Variants in RAB19 observed in about 807,000 individuals in gnomAD.
The protein encoded by RAB19 is RAB19, member RAS oncogene family.
In RAB19, 21 loss-of-function variants were observed where a neutral mutation model predicts 17.3. That is an observed-to-expected ratio of 1.21 (90% CI 0.86 to 1.74). RAB19 has a LOEUF of 1.74. Among genes scored for constraint, RAB19 ranks in the 40% most tolerant of loss-of-function variants. RAB19 has a pLI of 0.00. For missense variants in RAB19, 277 were observed against 286.8 expected, an observed-to-expected ratio of 0.97 and a Z score of 0.25; for synonymous variants, 126 against 110.4, an observed-to-expected ratio of 1.14 and a Z score of -0.88.
chr7:140,410,321 T>TTC (rs1554441262), intron 2 of RAB19, among the ~76,000 whole-genome samples: 1 of 122,118 alleles, frequency 8.2e-6, no homozygotes. Context: ...TTCTTTTTTT[T>TTC]TTTTTTTTTT....
At chr7:140,418,657 C>G (rs979876950) in intron 3 of RAB19, among the ~76,000 whole-genome samples, 1 of 151,212 alleles carries the variant, frequency 6.6e-6, no homozygotes, top group Non-Finnish European at 1.5e-5. Flanking sequence ...AGGCAGAGGT[C>G]GGACCAGCCT....
At chr7:140,409,848 C>A (rs1347482675) in intron 2 of RAB19, among the ~76,000 whole-genome samples, 6 of 151,558 alleles carry the variant, frequency 4.0e-5, no homozygotes, top group African/African-American at 1.5e-4. Flanking sequence ...AAAAAATCAG[C>A]CGGGCCTGGT....
At position 140,426,835 on chromosome 7, in the gene RAB19, CTTTCTTTTTT is replaced by C; in HGVS notation, c.*689_*698del. 7.5e-6 allele frequency among the ~76,000 whole-genome samples: 1 copy of C among 132,710 alleles called. No individual in the cohort carries two copies. Among genetic ancestry groups the C allele is most frequent in the African/African-American group, 3.1e-5 (1 of 32,224 alleles). 87.1% of individuals were successfully genotyped at this position (132,710 alleles called of 152,430 possible). A position where few individuals can be genotyped will look rare whatever the true frequency, so the allele number is the denominator to read the frequency against. The stretch of plus-strand genomic sequence containing the variant: ...GGGGAAGACACCTGCAATTTTTTTT[CTTTCTTTTTT>C]TTTTTTTTTTTTTTGAGACAGGGTC... On this transcript the variant is annotated 3_prime_UTR_variant, in exon 4 of 4. Transcript: ENST00000537763.
Position 140,427,782 on chromosome 7 carries a change from G to T in RAB19, c.*1632G>T, listed in dbSNP as rs892542820. Among the ~76,000 whole-genome samples the T allele has an allele frequency of 6.6e-6, 1 of 150,712 alleles. No individual in the cohort carries two copies. On this transcript the variant is annotated 3_prime_UTR_variant, in exon 4 of 4. Transcript: ENST00000537763. ...TTATTATTATTATTGTAGAAATGAA[G>T]TCTTGCTACGTTGCCCAGGCTGGTC... is the stretch of plus-strand genomic sequence containing the variant.
intron 2 of RAB19, among the ~76,000 whole-genome samples, chr7:140,409,567 C>T (rs1440012330): frequency 6.6e-6 from 1 of 151,914 alleles, no homozygotes; most frequent in Admixed American, 6.6e-5. Context: ...CGTGGTGGCA[C>T]ATGCCTGTAA....
chr7:140,410,135 T>A (rs1400554006), intron 2 of RAB19, among the ~76,000 whole-genome samples: 1 of 151,550 alleles, frequency 6.6e-6, no homozygotes, highest in Non-Finnish European at 1.5e-5. Flanking sequence ...TATGAGGTTC[T>A]TTTTTTATGT....
intron 3 of RAB19, among the ~76,000 whole-genome samples, chr7:140,412,769 A>G (rs139584723): frequency 5.3e-5 from 8 of 151,440 alleles, no homozygotes; most frequent in Non-Finnish European, 8.8e-5. Context: ...TATTGGGTAC[A>G]GTGGGTTCTT....
At chr7:140,416,571 T>C (rs1345708601) in intron 3 of RAB19, among the ~76,000 whole-genome samples, 3 of 152,122 alleles carry the variant, frequency 2.0e-5, no homozygotes, top group African/African-American at 7.2e-5. Flanking sequence ...GGCCATTTAA[T>C]GTTCTGTGTG....
intron 3 of RAB19, among the ~76,000 whole-genome samples, chr7:140,425,088 C>T (rs191931046): frequency 1.8e-4 from 28 of 152,160 alleles, no homozygotes; most frequent in Admixed American, 5.9e-4. Flanking sequence ...GAGTTCAAGA[C>T]CAGCCTGGTC....
intron 3 of RAB19, among the ~76,000 whole-genome samples, chr7:140,425,210 TG>T (rs1191693863): frequency 6.6e-6 from 1 of 152,106 alleles, no homozygotes; most frequent in Non-Finnish European, 1.5e-5. Context: ...CGTTTGAACC[TG>T]GGAGGCAAAG....
At chr7:140,409,501 C>A (rs1234098832) in intron 2 of RAB19, among the ~76,000 whole-genome samples, 4 of 151,722 alleles carry the variant, frequency 2.6e-5, no homozygotes, top group Admixed American at 1.3e-4. Context: ...TCAAGACCAG[C>A]CTGGCCAACG....
At chr7:140,410,320 T>TC (rs1799333341) in intron 2 of RAB19, among the ~76,000 whole-genome samples, 1 of 120,328 alleles carries the variant, frequency 8.3e-6, no homozygotes, top group Admixed American at 8.3e-5. Context: ...TTTCTTTTTT[T>TC]TTTTTTTTTT....
At position 140,411,910 on chromosome 7, in the gene RAB19, C is replaced by T. The variant is rs576701732; in HGVS notation, c.238C>T (p.Arg80Cys). The T allele has an allele frequency of 9.9e-6, 16 of 1,614,190 alleles. No individual in the cohort carries two copies. Among genetic ancestry groups the T allele is most frequent in the African/African-American group, 4.0e-5 (3 of 75,048 alleles). The change falls in exon 3 of 4, where the codon CGC becomes TGC. Residue 80 changes from arginine (R) to cysteine (C), a missense_variant. Coordinates refer to ENST00000537763, the MANE Select transcript of RAB19 (RefSeq NM_001008749.3). ...VWDTAGQERF[R>C]TITQSYYRSA... ...GGACACAGCTGGCCAGGAGCGCTTC[C>T]GCACCATCACCCAAAGCTACTACCG...
At chr7:140,419,789 C>T (rs1203501074) in intron 3 of RAB19, among the ~76,000 whole-genome samples, 1 of 152,134 alleles carries the variant, frequency 6.6e-6, no homozygotes, top group African/African-American at 2.4e-5. Flanking sequence ...ACATCCTCAC[C>T]AACATCTGGT....
chr7:140,418,631 C>A (rs1799504845), intron 3 of RAB19, among the ~76,000 whole-genome samples: 3 of 150,994 alleles, frequency 2.0e-5, no homozygotes, highest in Admixed American at 2.0e-4. Flanking sequence ...ACCTGTAATC[C>A]CAACAGGGAT....
intron 3 of RAB19, among the ~76,000 whole-genome samples, chr7:140,424,432 C>T (rs1030488342): frequency 6.6e-6 from 1 of 151,996 alleles, no homozygotes; most frequent in African/African-American, 2.4e-5. Context: ...GCAGGGATTA[C>T]AGGCATGAGC....
At chr7:140,425,748 T>C (rs975139811) in intron 3 of RAB19, 134 bp from the exon 4 acceptor site, 2 of 909,170 alleles carry the variant, frequency 2.2e-6, no homozygotes, top group South Asian at 3.6e-5. Context: ...AACAAAAAAA[T>C]GTGCCCTCAA....
At chr7:140,415,311 G>A (rs933001567) in intron 3 of RAB19, among the ~76,000 whole-genome samples, 3 of 152,008 alleles carry the variant, frequency 2.0e-5, no homozygotes, top group African/African-American at 7.2e-5. Flanking sequence ...CTGACCTCAA[G>A]TGATCCACAC....
At position 140,421,276 on chromosome 7, in the gene RAB19, C is replaced by T. The variant is rs112985243; in HGVS notation, c.386-4606C>T. Among the ~76,000 whole-genome samples, 26 of 152,228 alleles carry T rather than the reference C, an allele frequency of 1.7e-4. 1 individual carries two copies. The highest frequency in any genetic ancestry group is 5.5e-4 in the African/African-American group (23 of 41,550). On this transcript the variant is annotated intron_variant, in intron 3 of 3. Transcript: ENST00000537763. ...GTGCCATCCTAGCTTACAGCAGCTT[C>T]GAACTCCTGGGCTGAAGCAATCCTC... is the stretch of plus-strand genomic sequence containing the variant.
Sources: allele counts gnomAD v4.1 joint callset (sites outside exome capture counted in the v4.1 genomes callset), GRCh38; gene constraint gnomAD v4.1.1; transcripts MANE v1.5; gene names NCBI Gene and HGNC (gene_info 2026-07-23, HGNC 2026-07-21).